SLC14A2: variants seen among roughly 807,000 people sequenced by gnomAD.
SLC14A2 encodes solute carrier family 14 member 2.
Under a neutral mutation model 104.6 loss-of-function variants are expected in SLC14A2, and 91 were observed. That is an observed-to-expected ratio of 0.87 (90% CI 0.73 to 1.04). The LOEUF (loss-of-function observed/expected upper bound fraction) is 1.04, where lower values mean the gene tolerates loss of function less well. Ranked by LOEUF, SLC14A2 falls within the 50% of genes least tolerant of loss-of-function variation. The probability of loss-of-function intolerance (pLI) is 0.00; values close to 1 mark genes in which losing one functional copy is unlikely to be tolerated. For synonymous variants in SLC14A2, 476 were observed against 466.4 expected (o/e 1.02, Z -0.27); for missense variants, 1,189 against 1,156.0 (o/e 1.03, Z -0.41).
chr18:45,287,931 A>G (rs1166529728), intron 1 of SLC14A2, among the ~76,000 whole-genome samples: 4 of 152,144 alleles, frequency 2.6e-5, no homozygotes, highest in African/African-American at 9.7e-5. Flanking sequence ...CAGTCCTAAT[A>G]TGCCATCCTA....
the SLC14A2 span, among the ~76,000 whole-genome samples, chr18:45,194,881 T>A: frequency 6.6e-6 from 1 of 152,038 alleles, no homozygotes; most frequent in Non-Finnish European, 1.5e-5. Flanking sequence ...CCCGACCTCG[T>A]GATCTGCCTG....
chr18:45,279,964 C>A (rs1266158294), intron 1 of SLC14A2, among the ~76,000 whole-genome samples: 1 of 152,168 alleles, frequency 6.6e-6, no homozygotes, highest in South Asian at 2.1e-4. Context: ...GGTCTCTACT[C>A]ACTCGGTGCC....
chr18:45,214,130 T>C (rs2083986800), intron 1 of SLC14A2, among the ~76,000 whole-genome samples: 1 of 152,184 alleles, frequency 6.6e-6, no homozygotes, highest in Non-Finnish European at 1.5e-5. Flanking sequence ...AAGCCAAATC[T>C]TATTGAAGAA....
At chr18:45,209,008 C>A (rs1458193896), upstream of SLC14A2, among the ~76,000 whole-genome samples, 1 of 146,026 alleles carries the variant, frequency 6.8e-6, no homozygotes, top group African/African-American at 2.5e-5. Context: ...GCTGGTGCCT[C>A]TGGAAATTAA....
chr18:45,644,844 CT>C (rs1218236179), intron 10 of SLC14A2, among the ~76,000 whole-genome samples: 1 of 152,140 alleles, frequency 6.6e-6, no homozygotes, highest in Non-Finnish European at 1.5e-5. Context: ...AAACCAGCAT[CT>C]CTTTAAAATT....
intron 2 of SLC14A2, among the ~76,000 whole-genome samples, chr18:45,537,353 G>A (rs1388913398): frequency 1.3e-5 from 2 of 152,112 alleles, no homozygotes; most frequent in African/African-American, 4.8e-5. Context: ...GAGTTCTGGG[G>A]GTTGAGCTAT....
chr18:45,514,021 G>A (rs922355278), intron 2 of SLC14A2, among the ~76,000 whole-genome samples: 8 of 152,080 alleles, frequency 5.3e-5, no homozygotes, highest in Non-Finnish European at 1.0e-4. Context: ...TTTCATCTCT[G>A]GAACTAAAAA....
At chr18:45,468,383 G>T (rs997883438) in intron 1 of SLC14A2, among the ~76,000 whole-genome samples, 17 of 151,994 alleles carry the variant, frequency 1.1e-4, no homozygotes, top group Admixed American at 6.6e-5. Flanking sequence ...CTTTCAAAAT[G>T]CATTTAATCA....
chr18:45,640,275 T>TAAAAA lies in SLC14A2; in HGVS notation c.991+392_991+396dup, dbSNP rs879699022. On this transcript the variant is annotated intron_variant, in intron 7 of 19. Transcript: ENST00000255226. Reference sequence around the variant, plus strand: ...TGGGAAATAGAGTGAGACTCCGTCTTAAAAAAAAAAAAAATACATGTGGAG... The same window carrying TAAAAA: ...TGGGAAATAGAGTGAGACTCCGTCTTAAAAAAAAAAAAAAAAAAATACATGTGGAG... Among the ~76,000 whole-genome samples, 461 of 140,740 alleles carry TAAAAA rather than the reference T, an allele frequency of 3.3e-3. 3 individuals are homozygous for TAAAAA. The highest frequency in any genetic ancestry group is 9.0e-3 in the African/African-American group (344 of 38,342). The allele number at this position is 140,740 out of a possible 152,430, so 92.3% of individuals were successfully genotyped here.
At chr18:45,366,824 G>T (rs2085670803) in intron 1 of SLC14A2, among the ~76,000 whole-genome samples, 1 of 152,218 alleles carries the variant, frequency 6.6e-6, no homozygotes, top group Non-Finnish European at 1.5e-5. Context: ...TGGACTGGAT[G>T]TGCTTCATCA....
the SLC14A2 span, among the ~76,000 whole-genome samples, chr18:45,193,811 C>T: frequency 6.6e-6 from 1 of 152,066 alleles, no homozygotes; most frequent in Non-Finnish European, 1.5e-5. Flanking sequence ...AGGAGAATAA[C>T]ATTTTGAGAA....
chr18:45,240,379 G>A (rs1171467718), intron 1 of SLC14A2, among the ~76,000 whole-genome samples: 1 of 152,052 alleles, frequency 6.6e-6, no homozygotes, highest in African/African-American at 2.4e-5. Context: ...ACAGGCATGA[G>A]CCACCACGCC....
chr18:45,282,461 G>A (rs1292525047), intron 1 of SLC14A2, among the ~76,000 whole-genome samples: 5 of 152,072 alleles, frequency 3.3e-5, no homozygotes, highest in Admixed American at 2.6e-4. Flanking sequence ...CACCAACATT[G>A]CCCCCTACTT....
At chr18:45,649,179 C>CA (rs1165626267) in intron 10 of SLC14A2, among the ~76,000 whole-genome samples, 2 of 84,250 alleles carry the variant, frequency 2.4e-5, no homozygotes, top group East Asian at 2.6e-4. Context: ...GTCTCAAAAA[C>CA]AAAAAACAAA....
chr18:45,523,570 C>T (rs8095016), intron 2 of SLC14A2, among the ~76,000 whole-genome samples: 39,582 of 149,738 alleles, frequency 0.26, 5,731 homozygotes, highest in African/African-American at 0.38. Context: ...CTCCTGACCT[C>T]GTGATCAGCC....
chr18:45,495,348 C>T (rs993628331), intron 2 of SLC14A2, among the ~76,000 whole-genome samples: 3 of 152,060 alleles, frequency 2.0e-5, no homozygotes, highest in Admixed American at 1.3e-4. Context: ...ATACAATGGC[C>T]GGGGCCTCAA....
chr18:45,539,647 C>G (rs34954290), intron 2 of SLC14A2, among the ~76,000 whole-genome samples: 21,859 of 152,214 alleles, frequency 0.14, 1,648 homozygotes, highest in Middle Eastern at 0.23. Flanking sequence ...GCTGCCTCTT[C>G]CTGGGCCTGT....
intron 9 of SLC14A2, 123 bp from the exon 10 acceptor site, chr18:45,643,863 C>A: frequency 1.2e-6 from 1 of 824,416 alleles, no homozygotes; most frequent in South Asian, 1.7e-5. Flanking sequence ...CCAGGAATAT[C>A]AATGCCTTCA....
Position 45,365,146 on chromosome 18 carries a change from AG to A in SLC14A2, c.-124-118086del, listed in dbSNP as rs748767526. On this transcript the variant is annotated intron_variant, in intron 1 of 20. Coordinates refer to the SLC14A2 transcript ENST00000586448. The stretch of plus-strand genomic sequence containing the variant: ...CCCCATGTGGACTTCTAAGACCCCG[AG>A]CTCAGAGGAGTACTACACCAAAACC... Among the ~76,000 whole-genome samples, 26 of 152,246 alleles carry A rather than the reference AG, an allele frequency of 1.7e-4. No individual in the cohort carries two copies. In the East Asian group the frequency reaches 3.7e-3, roughly 21 times the overall value.
Sources: allele counts gnomAD v4.1 joint callset (sites outside exome capture counted in the v4.1 genomes callset), GRCh38; gene constraint gnomAD v4.1.1; transcripts MANE v1.5; gene names NCBI Gene and HGNC (gene_info 2026-07-23, HGNC 2026-07-21).